KLHL29: variants seen among roughly 807,000 people sequenced by gnomAD.
KLHL29 encodes kelch-like protein 29.
Under a neutral mutation model 80.4 loss-of-function variants are expected in KLHL29, and 21 were observed. The ratio of observed to expected loss-of-function variants is 0.26; its 90% CI spans 0.19 to 0.38. The LOEUF (loss-of-function observed/expected upper bound fraction) is 0.38, where lower values mean the gene tolerates loss of function less well. Ranked by LOEUF, KLHL29 falls within the 10% of genes least tolerant of loss-of-function variation. The probability of loss-of-function intolerance (pLI) is 1.00; values close to 1 mark genes in which losing one functional copy is unlikely to be tolerated. For missense variants in KLHL29, 867 were observed against 1,223.9 expected (o/e 0.71, Z 4.35); for synonymous variants, 511 against 526.8 (o/e 0.97, Z 0.41).
chr2:23,480,330 TAAA>T (rs918300886), intron 2 of KLHL29, among the ~76,000 whole-genome samples: 2 of 151,886 alleles, frequency 1.3e-5, no homozygotes, highest in Non-Finnish European at 2.9e-5. Context: ...CTACTATAAA[TAAA>T]AAAATTAGCC....
intron 3 of KLHL29, among the ~76,000 whole-genome samples, chr2:23,597,371 A>G (rs1043923567): frequency 2.9e-4 from 12 of 41,232 alleles, no homozygotes; most frequent in African/African-American, 6.3e-4. Flanking sequence ...GTATATATAT[A>G]TGTGTGTGTG....
At chr2:23,553,502 A>G (rs1263548072) in intron 2 of KLHL29, among the ~76,000 whole-genome samples, 1 of 152,152 alleles carries the variant, frequency 6.6e-6, no homozygotes, top group African/African-American at 2.4e-5. Context: ...TGGCACCTAC[A>G]CGTGGCCCCT....
intron 11 of KLHL29, among the ~76,000 whole-genome samples, chr2:23,702,658 GC>G (rs1055160688): frequency 2.0e-5 from 3 of 152,192 alleles, no homozygotes; most frequent in African/African-American, 7.2e-5. Flanking sequence ...GCTGCTGGGT[GC>G]CCCCTGCCAT....
chr2:23,610,105 C>A (rs1467084912), intron 3 of KLHL29, among the ~76,000 whole-genome samples: 2 of 152,138 alleles, frequency 1.3e-5, no homozygotes, highest in Non-Finnish European at 2.9e-5. Flanking sequence ...TGGCCATCTC[C>A]CCCACCCCAC....
chr2:23,463,071 G>GTT (rs79285199), intron 1 of KLHL29, among the ~76,000 whole-genome samples: 8 of 147,532 alleles, frequency 5.4e-5, no homozygotes, highest in Non-Finnish European at 1.0e-4. Flanking sequence ...TGCCTCCCAT[G>GTT]TTTTTTTTTC....
At chr2:23,508,325 G>A (rs527889206) in intron 2 of KLHL29, among the ~76,000 whole-genome samples, 3 of 152,354 alleles carry the variant, frequency 2.0e-5, no homozygotes, top group Admixed American at 1.3e-4. Context: ...CACAGGTTGG[G>A]TGGTCCACCT....
chr2:23,403,834 G>A (rs1245439765), intron 1 of KLHL29, among the ~76,000 whole-genome samples: 1 of 152,018 alleles, frequency 6.6e-6, no homozygotes, highest in South Asian at 2.1e-4. Context: ...GAAAAAGAGC[G>A]TGTGTGCGTG....
chr2:23,606,935 G>A (rs1668742642), intron 3 of KLHL29, among the ~76,000 whole-genome samples: 1 of 152,232 alleles, frequency 6.6e-6, no homozygotes, highest in South Asian at 2.1e-4. Context: ...CAAGGCACCG[G>A]CCAATGTGGT....
At chr2:23,641,342 G>A (rs1669763577) in intron 4 of KLHL29, among the ~76,000 whole-genome samples, 1 of 152,162 alleles carries the variant, frequency 6.6e-6, no homozygotes, top group Non-Finnish European at 1.5e-5. Context: ...AGGTTGCTTA[G>A]CACAAGGCCT....
intron 3 of KLHL29, among the ~76,000 whole-genome samples, chr2:23,573,061 C>CT (rs1252454237): frequency 0.015 from 1 of 66 alleles, no homozygotes; most frequent in African/African-American, 0.056. Flanking sequence ...TAGCATGAAG[C>CT]CTCACGGGTT....
At chr2:23,547,661 C>T (rs1667011664) in intron 2 of KLHL29, among the ~76,000 whole-genome samples, 2 of 151,684 alleles carry the variant, frequency 1.3e-5, no homozygotes, top group Admixed American at 6.6e-5. Context: ...CAAAAGTGAC[C>T]ACCCCTCCCG....
At chr2:23,626,089 G>A (rs576549082) in intron 3 of KLHL29, among the ~76,000 whole-genome samples, 2 of 152,082 alleles carry the variant, frequency 1.3e-5, no homozygotes, top group Non-Finnish European at 2.9e-5. Flanking sequence ...CATGCATGGG[G>A]GTAGGAGGAG....
At position 23,542,505 on chromosome 2, in the gene KLHL29, G is replaced by A. The variant is rs561940436; in HGVS notation, c.-45-19647G>A. ...CTCTGATGGGGACAGCCCGCGTTCA[G>A]GGTTTGGCTATTTGGGGAATTGCTG... On this transcript the variant is annotated intron_variant, in intron 2 of 13. Transcript: ENST00000486442. Among the ~76,000 whole-genome samples, 3 of 152,362 alleles carry A rather than the reference G, an allele frequency of 2.0e-5. No homozygotes were observed. In the South Asian group the frequency reaches 6.2e-4, roughly 32 times the overall value.
At chr2:23,478,426 C>T (rs1664695256) in intron 2 of KLHL29, among the ~76,000 whole-genome samples, 1 of 152,274 alleles carries the variant, frequency 6.6e-6, no homozygotes, top group East Asian at 1.9e-4. Flanking sequence ...GGCCAGCTCA[C>T]AGGGTCCTGT....
At chr2:23,613,236 T>A (rs1668913473) in intron 3 of KLHL29, among the ~76,000 whole-genome samples, 1 of 152,160 alleles carries the variant, frequency 6.6e-6, no homozygotes. Context: ...AGTAATTACA[T>A]CAAATGTATA....
At chr2:23,404,382 A>G (rs181124711) in intron 1 of KLHL29, among the ~76,000 whole-genome samples, 38 of 150,898 alleles carry the variant, frequency 2.5e-4, no homozygotes, top group African/African-American at 9.4e-4. Flanking sequence ...GCTAAGTTAG[A>G]CACGCCGAAG....
In KLHL29 at chr2:23,696,613, G is replaced by A. The variant is rs1671974477; in HGVS notation, c.2105+100G>A. On this transcript the variant is annotated intron_variant, in intron 11 of 13. Transcript: ENST00000486442. The surrounding 1 kb of genome is among the most constrained non-coding windows in gnomAD (Gnocchi z 5.5). ...TCCCAACACCCACTCAGTGGCGATG[G>A]AGCAGAGCCTGGACCATTCATATGG... The A allele has an allele frequency of 4.2e-6, 4 of 960,646 alleles. No homozygotes were observed. The Admixed American group carries it at 8.4e-5, about 20-fold the overall frequency. 59.5% of individuals were successfully genotyped at this position (960,646 alleles called of 1,614,324 possible). A position where few individuals can be genotyped will look rare whatever the true frequency, so the allele number is the denominator to read the frequency against.
In KLHL29 at chr2:23,703,875, CG is replaced by C; in HGVS notation, c.2444+14del. 6.5e-7 allele frequency: 1 copy of C among 1,532,972 alleles called. No homozygotes were observed. The highest frequency in any genetic ancestry group is 8.7e-7 in the Non-Finnish European group (1 of 1,144,818). The allele number at this position is 1,532,972 out of a possible 1,614,324, so 95.0% of individuals were successfully genotyped here. On this transcript the variant is annotated intron_variant, in intron 13 of 13. Coordinates refer to ENST00000486442, the MANE Select transcript of KLHL29 (RefSeq NM_052920.2). Reference sequence around the variant, plus strand: ...CGCCAGTTCTGCAGGTGAGAGGCTGCGGCGCCTTGACTAGGGCTGGGACGGA... The same window carrying C: ...CGCCAGTTCTGCAGGTGAGAGGCTGCGCGCCTTGACTAGGGCTGGGACGGA...
chr2:23,423,501 A>G (rs1247860133), intron 1 of KLHL29, among the ~76,000 whole-genome samples: 1 of 152,218 alleles, frequency 6.6e-6, no homozygotes, highest in Non-Finnish European at 1.5e-5. Flanking sequence ...GTCCTCTCAG[A>G]TTCTCAAACG....
Sources: gnomAD v4.1 joint callset for allele counts (sites outside exome capture counted in the v4.1 genomes callset) on GRCh38, gnomAD v4.1.1 for gene constraint, Gnocchi (gnomAD v3.1) non-coding constraint, MANE v1.5 for transcripts, NCBI Gene and HGNC (gene_info 2026-07-23, HGNC 2026-07-21) for gene names.